CASD1: variants seen among roughly 807,000 people sequenced by gnomAD.
The protein encoded by CASD1 is CAS1 domain sialic acid O acetyltransferase 1.
CASD1 carries 41 observed loss-of-function variants against 100.0 expected under a neutral mutation model. That is an observed-to-expected ratio of 0.41 (90% CI 0.32 to 0.53). CASD1 has a LOEUF of 0.53. CASD1 is among the 20% of genes least tolerant of loss of function. CASD1 has a pLI of 0.25. For synonymous variants in CASD1, 321 were observed against 315.6 expected (o/e 1.02, Z -0.18); for missense variants, 774 against 948.7 (o/e 0.82, Z 2.42).
At chr7:94,560,506 G>A (rs1237424568), downstream of CASD1, among the ~76,000 whole-genome samples, 4 of 152,180 alleles carry the variant, frequency 2.6e-5, no homozygotes, top group East Asian at 7.7e-4. Context: ...CTATAAAGAA[G>A]TAATACCTGG....
intron 3 of CASD1, among the ~76,000 whole-genome samples, chr7:94,520,506 A>G (rs972307148): frequency 6.6e-6 from 1 of 152,200 alleles, no homozygotes; most frequent in African/African-American, 2.4e-5. Context: ...TAGATATCGT[A>G]TCTCCCTCTT....
the CASD1 span, among the ~76,000 whole-genome samples, chr7:94,631,024 C>T: frequency 6.6e-6 from 1 of 151,984 alleles, no homozygotes. Flanking sequence ...TGACTTGTAG[C>T]TTCACGTATC....
In CASD1 at chr7:94,555,506, G is replaced by T; in HGVS notation, c.2142G>T (p.Gln714His). ...TTTTCTCCTAGCTATTTATTTGCCA[G>T]TATCACATATGGCTGGCAGCGGACA... ...GKISLELFIC[Q>H]YHIWLAADTR... is the part of the protein sequence containing the mutation. The change falls in exon 18 of 18, where the codon CAG (glutamine) becomes CAT (histidine). Residue 714 changes from glutamine (Q) to histidine (H), a missense_variant. Physicochemically the swap from Gln to His is conservative, Grantham distance 24. This residue lies in a region of CASD1 where 175 missense variants were observed against 206.9 expected (regional missense o/e 0.85). Coordinates refer to ENST00000297273, the MANE Select transcript of CASD1 (RefSeq NM_022900.5). The T allele has an allele frequency of 6.2e-7, 1 of 1,612,508 alleles. No homozygotes were observed. The highest frequency in any genetic ancestry group is 1.7e-5 in the Admixed American group (1 of 59,874).
At chr7:94,614,034 A>G in the CASD1 span, among the ~76,000 whole-genome samples, 3 of 151,306 alleles carry the variant, frequency 2.0e-5, no homozygotes, top group Admixed American at 2.0e-4. Context: ...TGAAAACTTG[A>G]CAGGACTAAT....
intron 5 of CASD1, among the ~76,000 whole-genome samples, chr7:94,532,490 C>T (rs577517318): frequency 6.6e-6 from 1 of 152,218 alleles, no homozygotes; most frequent in African/African-American, 2.4e-5. Context: ...ATTCACATCC[C>T]AGGAGAGACA....
chr7:94,626,921 C>T, the CASD1 span: 1 of 151,978 alleles, frequency 6.6e-6, no homozygotes, highest in South Asian at 2.1e-4. Context: ...TTTTAATAAA[C>T]ACTTTTTCCA....
chr7:94,615,512 A>G, the CASD1 span, among the ~76,000 whole-genome samples: 52 of 152,154 alleles, frequency 3.4e-4, no homozygotes, highest in Non-Finnish European at 5.9e-4. Context: ...CATCAGACCA[A>G]TATTGGGCAG....
chr7:94,512,262 A>G (rs889844503), intron 1 of CASD1, among the ~76,000 whole-genome samples: 9 of 152,238 alleles, frequency 5.9e-5, no homozygotes, highest in African/African-American at 2.2e-4. Context: ...GAGCTTAAAA[A>G]AAATTGCAAA....
At chr7:94,563,735 A>T in the CASD1 span, among the ~76,000 whole-genome samples, 3 of 151,572 alleles carry the variant, frequency 2.0e-5, no homozygotes, top group African/African-American at 7.3e-5. Context: ...TGTCCAGAGC[A>T]GTATCCCTAA....
chr7:94,631,312 C>A, the CASD1 span, among the ~76,000 whole-genome samples: 64 of 149,378 alleles, frequency 4.3e-4, no homozygotes, highest in Non-Finnish European at 8.3e-4. Context: ...TTTTTTTTTA[C>A]CAGTTTGATA....
chr7:94,532,092 A>G (rs570300710), intron 5 of CASD1, among the ~76,000 whole-genome samples: 1 of 152,152 alleles, frequency 6.6e-6, no homozygotes, highest in East Asian at 1.9e-4. Flanking sequence ...GTAATATACT[A>G]TTGCTATATA....
chr7:94,511,078 C>T (rs1400572427), intron 1 of CASD1, among the ~76,000 whole-genome samples: 28 of 152,198 alleles, frequency 1.8e-4, no homozygotes, highest in Admixed American at 1.8e-3. Flanking sequence ...TTTACTTCTC[C>T]TTGCTGATTG....
chr7:94,559,716 G>A (rs749592294), downstream of CASD1, among the ~76,000 whole-genome samples: 3 of 151,994 alleles, frequency 2.0e-5, no homozygotes, highest in Non-Finnish European at 2.9e-5. Context: ...AGTAGAGACG[G>A]GGTTTCACCG....
the CASD1 span, among the ~76,000 whole-genome samples, chr7:94,606,469 A>G: frequency 6.6e-6 from 1 of 152,214 alleles, no homozygotes; most frequent in African/African-American, 2.4e-5. Context: ...AGTGCATCAA[A>G]TTACATGAGG....
chr7:94,583,230 C>T, the CASD1 span, among the ~76,000 whole-genome samples: 81 of 152,280 alleles, frequency 5.3e-4, no homozygotes, highest in Non-Finnish European at 1.1e-3. Context: ...TGTAGACTTA[C>T]AGATGTGAAT....
the CASD1 span, among the ~76,000 whole-genome samples, chr7:94,604,734 G>A: frequency 2.1e-5 from 3 of 140,816 alleles, no homozygotes; most frequent in Admixed American, 7.4e-5. Context: ...GAAATTTATG[G>A]TCTTGAGGCA....
At chr7:94,558,471 G>GA (rs1424821493), downstream of CASD1, among the ~76,000 whole-genome samples, 1 of 152,082 alleles carries the variant, frequency 6.6e-6, no homozygotes, top group Non-Finnish European at 1.5e-5. Context: ...TCATTCAAGA[G>GA]AAAAATTACC....
chr7:94,602,617 CCTG>C, the CASD1 span, among the ~76,000 whole-genome samples: 2 of 151,830 alleles, frequency 1.3e-5, no homozygotes, highest in East Asian at 3.9e-4. Flanking sequence ...AAACAACTCT[CCTG>C]CTTTTCAGAT....
the CASD1 span, chr7:94,588,726 C>G: frequency 6.2e-7 from 1 of 1,612,380 alleles, no homozygotes. Context: ...TCTGATGTGG[C>G]AAGTTCCTAG....
Sources: gnomAD v4.1 joint callset for allele counts (sites outside exome capture counted in the v4.1 genomes callset) on GRCh38, gnomAD v4.1.1 for gene constraint, gnomAD v4.1.1 regional missense constraint, MANE v1.5 for transcripts, NCBI Gene and HGNC (gene_info 2026-07-23, HGNC 2026-07-21) for gene names.